ANO10: variants seen among roughly 807,000 people sequenced by gnomAD.
The protein encoded by ANO10 is anoctamin-10.
A neutral mutation model predicts 74.7 loss-of-function variants in ANO10; 77 were observed. The observed-to-expected ratio is 1.03, with a 90% confidence interval of 0.86 to 1.25. The LOEUF (loss-of-function observed/expected upper bound fraction) is 1.25, where lower values mean the gene tolerates loss of function less well. Ranked by LOEUF, ANO10 falls within the 50% of genes most tolerant of loss-of-function variation. The probability of loss-of-function intolerance (pLI) is 0.00; values close to 1 mark genes in which losing one functional copy is unlikely to be tolerated. For missense variants in ANO10, 721 were observed against 778.1 expected, an observed-to-expected ratio of 0.93 and a Z score of 0.87; for synonymous variants, 279 against 284.9, an observed-to-expected ratio of 0.98 and a Z score of 0.21.
chr3:43,629,477 G>C (rs2083525397), intron 1 of ANO10, among the ~76,000 whole-genome samples: 1 of 152,170 alleles, frequency 6.6e-6, no homozygotes, highest in Non-Finnish European at 1.5e-5. Flanking sequence ...ATTCTGAGCA[G>C]ATGAGAGACA....
chr3:43,379,137 A>G (rs570370766), intron 12 of ANO10, among the ~76,000 whole-genome samples: 46 of 152,344 alleles, frequency 3.0e-4, no homozygotes, highest in Admixed American at 1.9e-3. Context: ...TCGCAAATCT[A>G]GAACTCAAGT....
intron 11 of ANO10, among the ~76,000 whole-genome samples, chr3:43,467,051 G>C (rs1467681339): frequency 1.3e-5 from 2 of 152,110 alleles, no homozygotes; most frequent in Non-Finnish European, 2.9e-5. Flanking sequence ...AAATATCAAT[G>C]CATCTATCAG....
intron 1 of ANO10, among the ~76,000 whole-genome samples, chr3:43,656,447 G>A (rs2149570959): frequency 6.6e-6 from 1 of 152,344 alleles, no homozygotes; most frequent in South Asian, 2.1e-4. Flanking sequence ...CCCTTGGGTG[G>A]TTGATGGGAC....
chr3:43,612,627 G>A (rs1245084271), intron 1 of ANO10, among the ~76,000 whole-genome samples: 2 of 152,148 alleles, frequency 1.3e-5, no homozygotes, highest in African/African-American at 2.4e-5. Flanking sequence ...TATTCTAACT[G>A]TGCACTTCAT....
In ANO10 at chr3:43,574,798, G is replaced by A. The variant is rs370196849; in HGVS notation, c.1218+11C>T. On this transcript the variant is annotated intron_variant, in intron 7 of 12. Transcript: ENST00000292246. ...TCATAAAATGGATTTGTACATAAACGCTGTACTTACCACTAAAACTTTCAG... is the reference window on the plus strand; with the variant it reads ...TCATAAAATGGATTTGTACATAAACACTGTACTTACCACTAAAACTTTCAG... The A allele has an allele frequency of 5.6e-6, 9 of 1,608,622 alleles. 1 individual carries two copies. The highest frequency in any genetic ancestry group is 2.2e-5 in the East Asian group (1 of 44,834).
intron 11 of ANO10, among the ~76,000 whole-genome samples, chr3:43,448,925 G>A (rs1431540360): frequency 4.1e-5 from 6 of 147,982 alleles, no homozygotes; most frequent in African/African-American, 9.9e-5. Flanking sequence ...AGGCTGGAGC[G>A]CAGTGGTGCG....
chr3:43,664,855 G>A (rs924223354), intron 1 of ANO10, among the ~76,000 whole-genome samples: 5 of 152,088 alleles, frequency 3.3e-5, no homozygotes, highest in Non-Finnish European at 7.4e-5. Context: ...TTAGAATGGC[G>A]ATCATTAAAA....
chr3:43,563,589 C>G (rs936728432), intron 8 of ANO10, among the ~76,000 whole-genome samples: 4 of 152,024 alleles, frequency 2.6e-5, no homozygotes, highest in South Asian at 2.1e-4. Flanking sequence ...AATAAAGAAA[C>G]AGAATCAACC....
rs932943894 is a variant in ANO10, at chr3:43,513,753, G to A, written c.1797+35967C>T. 2.6e-5 allele frequency among the ~76,000 whole-genome samples: 4 copies of A among 151,964 alleles called. No individual in the cohort carries two copies. The South Asian group carries it at 8.3e-4, about 31-fold the overall frequency. ...TCTTGATCTCCTGACCTTGTGATCC[G>A]CCTGCCTTGGCCTCCCAAAGTGCTG... On this transcript the variant is annotated intron_variant, in intron 11 of 12. Transcript: ENST00000292246.
At chr3:43,663,674 A>G (rs2083953049) in intron 1 of ANO10, among the ~76,000 whole-genome samples, 1 of 152,222 alleles carries the variant, frequency 6.6e-6, no homozygotes, top group Non-Finnish European at 1.5e-5. Flanking sequence ...CCTTAAGCTG[A>G]TAAGCAACTT....
chr3:43,459,269 G>T (rs138437247), intron 11 of ANO10, among the ~76,000 whole-genome samples: 5 of 151,906 alleles, frequency 3.3e-5, no homozygotes, highest in African/African-American at 1.2e-4. Flanking sequence ...TCCAGGATTC[G>T]GTGTTGTTGA....
intron 2 of ANO10, among the ~76,000 whole-genome samples, chr3:43,604,918 T>C (rs1261984265): frequency 6.6e-6 from 1 of 152,220 alleles, no homozygotes; most frequent in African/African-American, 2.4e-5. Flanking sequence ...TTAATTCCAC[T>C]TTGATTCCAA....
chr3:43,664,711 G>C (rs1489741221), intron 1 of ANO10, among the ~76,000 whole-genome samples: 1 of 152,100 alleles, frequency 6.6e-6, no homozygotes, highest in East Asian at 1.9e-4. Flanking sequence ...TCAAAAAATG[G>C]GCAAAGGATA....
intron 12 of ANO10, among the ~76,000 whole-genome samples, chr3:43,396,469 G>A (rs1443020211): frequency 6.6e-6 from 1 of 151,810 alleles, no homozygotes; most frequent in Non-Finnish European, 1.5e-5. Context: ...CTCCCAAGTA[G>A]CTGGGACTAC....
chr3:43,496,051 GC>G (rs1289574906), intron 11 of ANO10, among the ~76,000 whole-genome samples: 1 of 152,044 alleles, frequency 6.6e-6, no homozygotes, highest in Non-Finnish European at 1.5e-5. Flanking sequence ...TGAAAATGGA[GC>G]TCTCATAAAT....
intron 10 of ANO10, 142 bp from the exon 11 acceptor site, chr3:43,549,990 G>T: frequency 1.0e-6 from 1 of 970,618 alleles, no homozygotes; most frequent in Non-Finnish European, 1.5e-6. Flanking sequence ...TTTTTTCTCT[G>T]TCATGGTATG....
chr3:43,587,764 A>C (rs2081546319), intron 4 of ANO10, among the ~76,000 whole-genome samples: 1 of 152,192 alleles, frequency 6.6e-6, no homozygotes, highest in Non-Finnish European at 1.5e-5. Context: ...TAATATCCTC[A>C]ATATTTAAAC....
chr3:43,518,625 C>A (rs1317876389), intron 11 of ANO10, among the ~76,000 whole-genome samples: 2 of 152,114 alleles, frequency 1.3e-5, no homozygotes, highest in African/African-American at 2.4e-5. Flanking sequence ...CAAGGAACAG[C>A]CCTGAGAAAG....
At chr3:43,574,018 A>G (rs1343678904) in intron 7 of ANO10, among the ~76,000 whole-genome samples, 1 of 147,526 alleles carries the variant, frequency 6.8e-6, no homozygotes. Flanking sequence ...GCAGTGGTGC[A>G]ATCTCGGCTC....
Sources: gnomAD v4.1 joint callset for allele counts (sites outside exome capture counted in the v4.1 genomes callset) on GRCh38, gnomAD v4.1.1 for gene constraint, MANE v1.5 for transcripts, NCBI Gene and HGNC (gene_info 2026-07-23, HGNC 2026-07-21) for gene names.